ADAM23: variants seen among roughly 807,000 people sequenced by gnomAD.
ADAM23 encodes the protein disintegrin and metalloproteinase domain-containing protein 23.
A neutral mutation model predicts 120.1 loss-of-function variants in ADAM23; 33 were observed. The ratio of observed to expected loss-of-function variants is 0.27; its 90% CI spans 0.21 to 0.37. The LOEUF (loss-of-function observed/expected upper bound fraction) is 0.37. Among genes scored for constraint, ADAM23 ranks in the 10% least tolerant of loss-of-function variants. The pLI is 1.00. For synonymous variants in ADAM23, 367 were observed against 375.2 expected, an observed-to-expected ratio of 0.98 and a Z score of 0.25; for missense variants, 862 against 1,058.2, an observed-to-expected ratio of 0.81 and a Z score of 2.57.
At chr2:206,467,007 A>G (rs1695554536) in intron 2 of ADAM23, among the ~76,000 whole-genome samples, 1 of 152,312 alleles carries the variant, frequency 6.6e-6, no homozygotes, top group Admixed American at 6.5e-5. Context: ...TGTTGTAACA[A>G]CAACTCCAGT....
In ADAM23 at chr2:206,587,379, T is replaced by A. The variant is rs1698343187; in HGVS notation, c.1788+4T>A. 3.8e-6 allele frequency: 6 copies of A among 1,598,794 alleles called. No individual in the cohort carries two copies. Among genetic ancestry groups the A allele is most frequent in the Non-Finnish European group, 5.1e-6 (6 of 1,172,526 alleles). On this transcript the variant is annotated splice_donor_region_variant and intron_variant, in intron 19 of 25. Transcript: ENST00000264377. ...ATATGCATGCAATCAAAATCAGGTA[T>A]GCTGGGCTATAAATTTTAAGTGTAA...
Position 206,557,471 on chromosome 2 carries a change from A to G in ADAM23, c.978A>G (p.Ala326=), listed in dbSNP as rs1291583069. 1 of 1,613,812 alleles carries G rather than the reference A, an allele frequency of 6.2e-7. No individual in the cohort carries two copies. Among genetic ancestry groups the G allele is most frequent in the African/African-American group, 1.3e-5 (1 of 74,924 alleles). ...RSSHAHTNNF[A]KSVVNLVDSI... ...CTCATGCACATACCAACAACTTTGC[A>G]AAGTCCGTGGTCAACCTTGTGGATT... Residue 326 remains alanine (A), a synonymous_variant, in exon 10 of 26, where the codon GCA becomes GCG. Transcript: ENST00000264377.
intron 2 of ADAM23, among the ~76,000 whole-genome samples, chr2:206,477,897 A>AAAAATATATATAT (rs374524658): frequency 3.2e-4 from 30 of 93,558 alleles, no homozygotes; most frequent in East Asian, 2.6e-4. Flanking sequence ...AAAAAAAAAA[A>AAAAATATATATAT]ATATATATAT....
chr2:206,530,540 C>T (rs756240619), intron 3 of ADAM23, among the ~76,000 whole-genome samples: 6 of 150,842 alleles, frequency 4.0e-5, no homozygotes, highest in African/African-American at 1.2e-4. Context: ...GTTCACCGTC[C>T]GGGAGGCGGA....
At chr2:206,487,192 C>T (rs1352767682) in intron 3 of ADAM23, among the ~76,000 whole-genome samples, 2 of 152,140 alleles carry the variant, frequency 1.3e-5, no homozygotes, top group South Asian at 2.1e-4. Flanking sequence ...GCAGTCACTG[C>T]GCTGAGATGT....
intron 9 of ADAM23, among the ~76,000 whole-genome samples, chr2:206,550,834 C>G (rs1242308789): frequency 6.6e-6 from 1 of 152,182 alleles, no homozygotes; most frequent in African/African-American, 2.4e-5. Context: ...ATCTCCTGAC[C>G]TCGTGATCCG....
chr2:206,457,515 A>G (rs546719662), intron 2 of ADAM23, among the ~76,000 whole-genome samples: 4 of 152,304 alleles, frequency 2.6e-5, no homozygotes, highest in Admixed American at 6.5e-5. Flanking sequence ...CAGCTGAACT[A>G]TATGCATGTG....
At chr2:206,524,424 A>G (rs961433058) in intron 3 of ADAM23, among the ~76,000 whole-genome samples, 3 of 152,172 alleles carry the variant, frequency 2.0e-5, no homozygotes, top group Non-Finnish European at 4.4e-5. Context: ...AGATCCACCT[A>G]CTGATGTTAT....
chr2:206,577,675 G>C (rs1698142035), intron 18 of ADAM23, among the ~76,000 whole-genome samples: 1 of 144,336 alleles, frequency 6.9e-6, no homozygotes, highest in Admixed American at 7.0e-5. Flanking sequence ...TTGGACATTT[G>C]GGTTGGTTCC....
chr2:206,571,220 A>T (rs892833265), intron 16 of ADAM23, among the ~76,000 whole-genome samples: 1 of 152,234 alleles, frequency 6.6e-6, no homozygotes, highest in Non-Finnish European at 1.5e-5. Flanking sequence ...TGACGCCTGT[A>T]ATCCCAGCAC....
intron 22 of ADAM23, among the ~76,000 whole-genome samples, chr2:206,593,517 G>A (rs1698464564): frequency 6.6e-6 from 1 of 151,924 alleles, no homozygotes; most frequent in Admixed American, 6.6e-5. Flanking sequence ...TAAATTCATT[G>A]GGTACTAAAT....
intron 9 of ADAM23, among the ~76,000 whole-genome samples, chr2:206,551,415 T>C (rs1008800130): frequency 6.6e-6 from 1 of 152,196 alleles, no homozygotes; most frequent in Admixed American, 6.5e-5. Flanking sequence ...AGTTGTAAAC[T>C]CTAAGGCAAA....
At chr2:206,537,199 CA>C (rs2105803111) in intron 4 of ADAM23, among the ~76,000 whole-genome samples, 1 of 152,260 alleles carries the variant, frequency 6.6e-6, no homozygotes, top group South Asian at 2.1e-4. Context: ...AGTATAACCA[CA>C]TCACCCTTTT....
At chr2:206,555,167 A>C (rs1456601434) in intron 9 of ADAM23, among the ~76,000 whole-genome samples, 2 of 152,132 alleles carry the variant, frequency 1.3e-5, no homozygotes, top group East Asian at 3.9e-4. Context: ...TTCTGTGCTC[A>C]TATACAGAAC....
chr2:206,537,371 G>T (rs1328644485), intron 4 of ADAM23, among the ~76,000 whole-genome samples: 2 of 152,130 alleles, frequency 1.3e-5, no homozygotes, highest in African/African-American at 2.4e-5. Context: ...GGTTGATGCA[G>T]AGTGGAAGAG....
intron 9 of ADAM23, 48 bp from the exon 10 acceptor site, chr2:206,557,379 A>G: frequency 7.1e-7 from 1 of 1,415,052 alleles, no homozygotes; most frequent in Non-Finnish European, 1.0e-6. Context: ...TTTGAAATTT[A>G]TTATTCACTT....
At chr2:206,454,627 G>A (rs11890475) in intron 2 of ADAM23, among the ~76,000 whole-genome samples, 47,423 of 152,114 alleles carry the variant, frequency 0.31, 7,510 homozygotes, top group African/African-American at 0.34. Flanking sequence ...CCTTCTACCT[G>A]TGAGTCTGTA....
chr2:206,533,824 C>T (rs151223724), intron 4 of ADAM23, among the ~76,000 whole-genome samples: 9 of 152,118 alleles, frequency 5.9e-5, no homozygotes, highest in East Asian at 1.9e-4. Flanking sequence ...TATAGGAGCT[C>T]GAGAGGTCCA....
At chr2:206,506,164 A>G (rs1696492995) in intron 3 of ADAM23, among the ~76,000 whole-genome samples, 1 of 152,196 alleles carries the variant, frequency 6.6e-6, no homozygotes, top group African/African-American at 2.4e-5. Flanking sequence ...ATTTCATGAA[A>G]TTTCTTACCA....
Sources: allele counts gnomAD v4.1 joint callset (sites outside exome capture counted in the v4.1 genomes callset), GRCh38; gene constraint gnomAD v4.1.1; transcripts MANE v1.5; gene names NCBI Gene and HGNC (gene_info 2026-07-23, HGNC 2026-07-21).